Variants in RP1 observed in about 807,000 individuals in gnomAD.
The protein encoded by RP1 is RP1 axonemal microtubule associated, also known as oxygen-regulated protein 1.
In RP1, 16 loss-of-function variants were observed where a neutral mutation model predicts 14.8. The observed-to-expected ratio is 1.08, with a 90% CI of 0.73 to 1.65. The LOEUF is 1.65. RP1 is among the 40% of genes most tolerant of loss of function. RP1 has a pLI of 0.00. For missense variants in RP1, 2,631 were observed against 2,535.0 expected, an observed-to-expected ratio of 1.04 and a Z score of -0.81; for synonymous variants, 876 against 883.6, an observed-to-expected ratio of 0.99 and a Z score of 0.15.
Position 54,621,159 on chromosome 8 carries a change from GCT to G in RP1, c.196_197del (p.Leu66AlafsTer3). On this transcript the variant is annotated frameshift_variant, in exon 2 of 4. Coordinates refer to ENST00000220676, the MANE Select transcript of RP1 (RefSeq NM_006269.2). LOFTEE classifies it high-confidence loss of function. ...CCCTCGCTCCTTTAAGTCCTTTGAT[GCT>G]CTGCTGGATAACTTGTCCAGGAAGG... Reference protein sequence around the residue: ...VNPRSFKSFDALLDNLSRKVP... With the variant: ...VNPRSFKSFDXLLDNLSRKVP... 6.2e-7 allele frequency: 1 copy of G among 1,614,142 alleles called. No homozygotes were observed. The highest frequency in any genetic ancestry group is 8.5e-7 in the Non-Finnish European group (1 of 1,180,024).
At chr8:54,731,691 G>A (rs764795160) in intron 17 of RP1, among the ~76,000 whole-genome samples, 1 of 151,992 alleles carries the variant, frequency 6.6e-6, no homozygotes, top group Non-Finnish European at 1.5e-5. Flanking sequence ...CAGGAATAAG[G>A]GGCCTTAGAG....
chr8:54,615,313 C>T (rs918022199), upstream of RP1, among the ~76,000 whole-genome samples: 4 of 152,170 alleles, frequency 2.6e-5, no homozygotes, highest in African/African-American at 9.7e-5. Context: ...TTGTGGCGCA[C>T]ATGCTTGAAC....
intron 16 of RP1, among the ~76,000 whole-genome samples, chr8:54,721,708 T>C (rs1808540908): frequency 6.6e-6 from 1 of 152,242 alleles, no homozygotes; most frequent in South Asian, 2.1e-4. Context: ...TTTTCTTCTC[T>C]ATTTACTAGA....
At chr8:54,684,463 C>A (rs568644116) in intron 12 of RP1, among the ~76,000 whole-genome samples, 1 of 152,176 alleles carries the variant, frequency 6.6e-6, no homozygotes, top group South Asian at 2.1e-4. Flanking sequence ...GGTTGGTAGG[C>A]TATTTATTAC....
intron 19 of RP1, among the ~76,000 whole-genome samples, chr8:54,743,300 A>C (rs1809145029): frequency 6.6e-6 from 1 of 152,168 alleles, no homozygotes; most frequent in Non-Finnish European, 1.5e-5. Flanking sequence ...CATGAAGTCC[A>C]TTGATTCTTT....
At chr8:54,803,291 G>A (rs1810758506) in intron 24 of RP1, among the ~76,000 whole-genome samples, 2 of 152,180 alleles carry the variant, frequency 1.3e-5, no homozygotes, top group African/African-American at 4.8e-5. Flanking sequence ...CGGGACTGGA[G>A]AGAGACACGT....
intron 1 of RP1, among the ~76,000 whole-genome samples, chr8:54,582,084 A>G (rs973165536): frequency 2.6e-5 from 4 of 152,186 alleles, no homozygotes; most frequent in Non-Finnish European, 4.4e-5. Flanking sequence ...GCCCATGCCT[A>G]TGTCCTGAAT....
chr8:54,594,439 G>A (rs1463401834), intron 1 of RP1, among the ~76,000 whole-genome samples: 2 of 152,204 alleles, frequency 1.3e-5, no homozygotes, highest in African/African-American at 4.8e-5. Context: ...CTACCTTTAT[G>A]AGTGCCCTAC....
At chr8:54,762,237 A>G (rs1051831424) in intron 22 of RP1, among the ~76,000 whole-genome samples, 3 of 152,166 alleles carry the variant, frequency 2.0e-5, no homozygotes, top group African/African-American at 7.2e-5. Context: ...TCAGAGAACA[A>G]GAATTTACAG....
chr8:54,706,914 A>G (rs1437030556), intron 15 of RP1, among the ~76,000 whole-genome samples: 48 of 152,086 alleles, frequency 3.2e-4, no homozygotes, highest in Non-Finnish European at 2.9e-5. Flanking sequence ...GTAGATTCTG[A>G]TTGAGGAAGG....
intron 22 of RP1, among the ~76,000 whole-genome samples, chr8:54,767,962 A>C (rs1007946768): frequency 6.6e-5 from 10 of 152,338 alleles, no homozygotes; most frequent in African/African-American, 2.4e-4. Context: ...CTGCGAGCTC[A>C]CAGTTCGCCT....
chr8:54,648,506 A>G (rs900682430), intron 3 of RP1, among the ~76,000 whole-genome samples: 26 of 152,124 alleles, frequency 1.7e-4, no homozygotes, highest in African/African-American at 6.3e-4. Flanking sequence ...TAACTTCTCA[A>G]ATTCTACTCA....
At chr8:54,814,316 A>G (rs1370120398) in intron 24 of RP1, among the ~76,000 whole-genome samples, 1 of 152,196 alleles carries the variant, frequency 6.6e-6, no homozygotes, top group Non-Finnish European at 1.5e-5. Flanking sequence ...ATGAGCCTTA[A>G]AGTGGATATC....
intron 19 of RP1, among the ~76,000 whole-genome samples, chr8:54,749,739 G>C (rs1809313007): frequency 6.6e-6 from 1 of 152,106 alleles, no homozygotes; most frequent in African/African-American, 2.4e-5. Context: ...AAGCAGACAA[G>C]GATTACACAG....
rs78454197 is a variant in RP1 at position 54,812,489 on chromosome 8, G to C, written c.3616-24961G>C. 1.6e-3 allele frequency among the ~76,000 whole-genome samples: 249 copies of C among 152,156 alleles called. 1 individual carries two copies. The highest frequency in any genetic ancestry group is 5.4e-3 in the African/African-American group (224 of 41,520). On this transcript the variant is annotated intron_variant, in intron 24 of 28. Coordinates refer to the RP1 transcript ENST00000637698. The stretch of plus-strand genomic sequence containing the variant: ...TATTAATAGTTTCTGTCAGTGTTTT[G>C]GTTCCTATGATATGGTAATATATAG...
At chr8:54,678,796 C>A (rs2129334883) in intron 9 of RP1, among the ~76,000 whole-genome samples, 1 of 152,120 alleles carries the variant, frequency 6.6e-6, no homozygotes, top group East Asian at 1.9e-4. Context: ...CTGTACATAT[C>A]AGAAAGAAAA....
intron 25 of RP1, among the ~76,000 whole-genome samples, chr8:54,850,580 T>C (rs112391871): frequency 6.6e-6 from 1 of 152,226 alleles, no homozygotes; most frequent in South Asian, 2.1e-4. Context: ...AAGGAGCTGA[T>C]GCAATCTTTG....
chr8:54,701,574 C>T (rs1349473018), exon 14 of RP1: 6 of 1,535,708 alleles, frequency 3.9e-6, no homozygotes, highest in Admixed American at 3.9e-5. Flanking sequence ...CCTGGTCACA[C>T]AGTTGTTTTT....
intron 25 of RP1, among the ~76,000 whole-genome samples, chr8:54,845,361 G>A (rs2129406042): frequency 6.6e-6 from 1 of 152,266 alleles, no homozygotes; most frequent in East Asian, 1.9e-4. Flanking sequence ...ATCAACGGAT[G>A]GATGAAAGAG....
Sources: allele counts gnomAD v4.1 joint callset (sites outside exome capture counted in the v4.1 genomes callset), GRCh38; gene constraint gnomAD v4.1.1; transcripts MANE v1.5; gene names NCBI Gene and HGNC (gene_info 2026-07-23, HGNC 2026-07-21).